DRC8: variants seen among roughly 807,000 people sequenced by gnomAD.
The protein encoded by DRC8 is dynein regulatory complex subunit 8.
chr1:244,989,212 A>T, the DRC8 span, among the ~76,000 whole-genome samples: 1 of 152,160 alleles, frequency 6.6e-6, no homozygotes, highest in Non-Finnish European at 1.5e-5. Context: ...TACAGGCATG[A>T]GTCACCACAC....
chr1:245,002,041 T>A, the DRC8 span: 1 of 1,175,102 alleles, frequency 8.5e-7, no homozygotes, highest in Non-Finnish European at 1.2e-6. Context: ...CAGGGATGAT[T>A]TATTTTTTCA....
At chr1:244,996,312 G>C in the DRC8 span, among the ~76,000 whole-genome samples, 2 of 151,918 alleles carry the variant, frequency 1.3e-5, no homozygotes, top group Non-Finnish European at 2.9e-5. Context: ...TGAAAATCTA[G>C]TATGAAAGTG....
chr1:244,970,383 G>A, the DRC8 span: 10 of 1,535,500 alleles, frequency 6.5e-6, 1 homozygote, highest in South Asian at 4.8e-5. Context: ...CGAGGTTATC[G>A]TTAGGCATCT....
chr1:245,002,019 A>T, the DRC8 span: 7 of 900,428 alleles, frequency 7.8e-6, no homozygotes, highest in Non-Finnish European at 1.2e-5. Context: ...TTTTGCTTTG[A>T]AGTGAAAATA....
chr1:245,039,208 T>A, the DRC8 span, among the ~76,000 whole-genome samples: 1 of 146,440 alleles, frequency 6.8e-6, no homozygotes. Context: ...TCCAGTATTT[T>A]AAAAAACATT....
At chr1:245,057,292 G>A in the DRC8 span, among the ~76,000 whole-genome samples, 1 of 152,168 alleles carries the variant, frequency 6.6e-6, no homozygotes, top group Non-Finnish European at 1.5e-5. Context: ...TGGTGCAAAA[G>A]TAATTGCAGT....
the DRC8 span, among the ~76,000 whole-genome samples, chr1:245,119,639 A>C: frequency 4.7e-5 from 7 of 147,760 alleles, no homozygotes; most frequent in Admixed American, 2.7e-4. Flanking sequence ...ACCCTGTCTA[A>C]AAAAAAAAAG....
At chr1:245,004,757 A>G in the DRC8 span, among the ~76,000 whole-genome samples, 1 of 152,232 alleles carries the variant, frequency 6.6e-6, no homozygotes, top group African/African-American at 2.4e-5. Context: ...ACCTTTTGCC[A>G]TTCATTAAGT....
At chr1:245,107,740 G>C in the DRC8 span, among the ~76,000 whole-genome samples, 2 of 152,116 alleles carry the variant, frequency 1.3e-5, no homozygotes, top group Non-Finnish European at 2.9e-5. Flanking sequence ...TCCAGGCACC[G>C]GGCTCCTAAA....
chr1:244,995,112 C>G, the DRC8 span, among the ~76,000 whole-genome samples: 1 of 152,022 alleles, frequency 6.6e-6, no homozygotes. Flanking sequence ...CCTGTCATCC[C>G]CACACTTTGG....
the DRC8 span, among the ~76,000 whole-genome samples, chr1:245,055,410 C>A: frequency 3.3e-4 from 50 of 152,190 alleles, no homozygotes; most frequent in Non-Finnish European, 5.9e-4. Flanking sequence ...GCCTTGAACT[C>A]CTCGGCTCAA....
At chr1:244,980,040 T>TAAAAAAAAAA in the DRC8 span, among the ~76,000 whole-genome samples, 450 of 34,696 alleles carry the variant, frequency 0.013, 87 homozygotes, top group Non-Finnish European at 0.016. Flanking sequence ...CCGTCTCTAC[T>TAAAAAAAAAA]AAAAAAAAAA....
chr1:245,098,731 TCA>T, the DRC8 span, among the ~76,000 whole-genome samples: 1 of 152,240 alleles, frequency 6.6e-6, no homozygotes, highest in African/African-American at 2.4e-5. Flanking sequence ...CTGTGGTTTC[TCA>T]GTGTCTCTGA....
chr1:245,019,774 C>T, the DRC8 span, among the ~76,000 whole-genome samples: 1 of 152,080 alleles, frequency 6.6e-6, no homozygotes, highest in African/African-American at 2.4e-5. Context: ...GAAACCTCAT[C>T]TCTCCTAAAA....
chr1:245,084,313 C>T, the DRC8 span, among the ~76,000 whole-genome samples: 1 of 152,056 alleles, frequency 6.6e-6, no homozygotes, highest in Admixed American at 6.6e-5. Context: ...AACTTCTGAC[C>T]TCAGGTGATC....
At chr1:245,100,395 GTAA>G in the DRC8 span, among the ~76,000 whole-genome samples, 1 of 149,246 alleles carries the variant, frequency 6.7e-6, no homozygotes, top group African/African-American at 2.5e-5. Flanking sequence ...AAAAGTAGTA[GTAA>G]TAATAATAAT....
At chr1:245,107,624 C>T in the DRC8 span, among the ~76,000 whole-genome samples, 1 of 152,206 alleles carries the variant, frequency 6.6e-6, no homozygotes, top group Non-Finnish European at 1.5e-5. Context: ...TCTGACGCAG[C>T]CTCCCAGGGC....
At chr1:245,037,864 T>C in the DRC8 span, among the ~76,000 whole-genome samples, 1 of 152,004 alleles carries the variant, frequency 6.6e-6, no homozygotes, top group Non-Finnish European at 1.5e-5. Context: ...TTGGATGATA[T>C]AATGGAAAAT....
At chr1:245,034,840 G>A in the DRC8 span, among the ~76,000 whole-genome samples, 2 of 145,636 alleles carry the variant, frequency 1.4e-5, no homozygotes, top group African/African-American at 5.0e-5. Context: ...CAGTGTAACA[G>A]TAGGAACCAA....
Sources: gnomAD v4.1 joint callset for allele counts (sites outside exome capture counted in the v4.1 genomes callset) on GRCh38, gnomAD v4.1.1 for gene constraint, MANE v1.5 for transcripts, NCBI Gene and HGNC (gene_info 2026-07-23, HGNC 2026-07-21) for gene names.